Variants in ADAP1 observed in about 807,000 individuals in gnomAD.
The protein encoded by ADAP1 is ArfGAP with dual PH domains 1.
Under a neutral mutation model 54.9 loss-of-function variants are expected in ADAP1, and 31 were observed. The observed-to-expected ratio is 0.56, with a 90% CI of 0.42 to 0.76. The LOEUF (loss-of-function observed/expected upper bound fraction) is 0.76, where lower values mean the gene tolerates loss of function less well. Ranked by LOEUF, ADAP1 falls within the 30% of genes least tolerant of loss-of-function variation. The probability of loss-of-function intolerance (pLI) is 0.00; values close to 1 mark genes in which losing one functional copy is unlikely to be tolerated. For synonymous variants in ADAP1, 313 were observed against 202.6 expected, an observed-to-expected ratio of 1.55 and a Z score of -4.63; for missense variants, 535 against 512.4, an observed-to-expected ratio of 1.04 and a Z score of -0.42.
At chr7:905,566 GAGAAAGGAGAAAGGAGAAAGGA>G (rs1845169248) in intron 4 of ADAP1, 1 of 27,660 alleles carries the variant, frequency 3.6e-5, no homozygotes, top group Non-Finnish European at 7.1e-5. Context: ...AAGGAGAAAG[GAGAAAGGAGAAAGGAGAAAGGA>G]GAAAGGAGAA....
In ADAP1 at chr7:954,576, T is replaced by C. The variant is rs1847343163; in HGVS notation, c.-99A>G. On this transcript the variant is annotated 5_prime_UTR_variant, in exon 1 of 11. Transcript: ENST00000265846. ...GCAGGCCGCCCGCCGCCGCCGCCCC[T>C]GCGCCATCCCGGGCGGCCTCAGCCC... 4.1e-6 allele frequency: 4 copies of C among 985,356 alleles called. No homozygotes were observed. The highest frequency in any genetic ancestry group is 4.8e-6 in the Non-Finnish European group (4 of 831,810). The allele number at this position is 985,356 out of a possible 1,614,324, so 61.0% of individuals were successfully genotyped here.
Position 898,683 on chromosome 7 carries a change from G to C in ADAP1, c.*238C>G. On this transcript the variant is annotated 3_prime_UTR_variant, in exon 11 of 11. Coordinates refer to ENST00000265846, the MANE Select transcript of ADAP1 (RefSeq NM_006869.4). ...GGGTCAGGGAGGGGCAGGTTGGCTG[G>C]GTGTGGTCAGCAGCAGCATGACGGG... The C allele has an allele frequency of 1.7e-6, 1 of 590,322 alleles. No homozygotes were observed. The highest frequency in any genetic ancestry group is 3.0e-6 in the Non-Finnish European group (1 of 333,726). The allele number at this position is 590,322 out of a possible 1,614,324, so 36.6% of individuals were successfully genotyped here.
At chr7:921,582 T>C (rs1241414173) in intron 3 of ADAP1, among the ~76,000 whole-genome samples, 3 of 152,224 alleles carry the variant, frequency 2.0e-5, no homozygotes, top group African/African-American at 7.2e-5. Flanking sequence ...CCTACAGGGC[T>C]GCGATTACAG....
At position 946,283 on chromosome 7, in the gene ADAP1, G is replaced by A. The variant is rs1488874508; in HGVS notation, c.82+8113C>T. 3.3e-5 allele frequency among the ~76,000 whole-genome samples: 5 copies of A among 152,148 alleles called. No homozygotes were observed. In the South Asian group the frequency reaches 6.2e-4, roughly 19 times the overall value. On this transcript the variant is annotated intron_variant, in intron 1 of 10. Coordinates refer to ENST00000265846, the MANE Select transcript of ADAP1 (RefSeq NM_006869.4). This position sits in a 1 kb window ranked among gnomAD's most constrained non-coding sequence, Gnocchi z 4.3. Reference sequence around the variant, plus strand: ...CCGGTGGATCCCCGCCAGCGAGGCAGTGACCTCTGGAGCTCCTGGGTGGGC... The same window carrying A: ...CCGGTGGATCCCCGCCAGCGAGGCAATGACCTCTGGAGCTCCTGGGTGGGC...
At chr7:899,955 C>T (rs1200916459) in intron 8 of ADAP1, 147 bp downstream of exon 8, 20 of 1,008,114 alleles carry the variant, frequency 2.0e-5, no homozygotes, top group Non-Finnish European at 2.8e-5. Flanking sequence ...CTCGGGGACC[C>T]CGGCCAGGCA....
intron 6 of ADAP1, chr7:900,966 C>T (rs761745358): frequency 4.7e-5 from 25 of 534,786 alleles, no homozygotes; most frequent in Non-Finnish European, 8.2e-5. Context: ...GGGGCCTGGG[C>T]CAACTTGCCT....
intron 4 of ADAP1, among the ~76,000 whole-genome samples, chr7:919,600 GAGAC>G (rs1386165325): frequency 2.8e-5 from 4 of 144,220 alleles, no homozygotes; most frequent in African/African-American, 5.2e-5. Context: ...GAGAGGAAGA[GAGAC>G]AGAGAATGAG....
intron 4 of ADAP1, among the ~76,000 whole-genome samples, chr7:918,211 C>T (rs925400113): frequency 2.0e-5 from 3 of 152,132 alleles, no homozygotes; most frequent in Non-Finnish European, 2.9e-5. Context: ...CGTGAGCCAC[C>T]GTGCCCGACC....
At position 926,777 on chromosome 7, in the gene ADAP1, G is replaced by T; in HGVS notation, c.214-133C>A. 7.8e-6 allele frequency: 6 copies of T among 769,904 alleles called. 1 individual carries two copies. The highest frequency in any genetic ancestry group is 1.2e-5 in the Non-Finnish European group (6 of 504,018). The allele number at this position is 769,904 out of a possible 1,614,324, so 47.7% of individuals were successfully genotyped here. ...CTGAGGGCTCCACCAGCACCAGGAC[G>T]GGAACGCCACCTCCTCCTGCCCCAG... On this transcript the variant is annotated intron_variant, in intron 2 of 10. Transcript: ENST00000265846. The surrounding 1 kb of genome is among the most constrained non-coding windows in gnomAD (Gnocchi z 4.6).
chr7:899,048 G>GCA lies in ADAP1; in HGVS notation c.1079_1080dup (p.Pro361CysfsTer44). 6.2e-7 allele frequency: 1 copy of GCA among 1,608,904 alleles called. No individual in the cohort carries two copies. The highest frequency in any genetic ancestry group is 8.5e-7 in the Non-Finnish European group (1 of 1,179,874). On this transcript the variant is annotated frameshift_variant, in exon 10 of 11. Coordinates refer to ENST00000265846, the MANE Select transcript of ADAP1 (RefSeq NM_006869.4). LOFTEE classifies it high-confidence loss of function. ...CCCCCCTCACCTGCGTACTCCTGGG[G>GCA]CAGCATGGGCCTGTCCACCGCCTTC...
intron 5 of ADAP1, among the ~76,000 whole-genome samples, chr7:904,614 G>T (rs567891085): frequency 6.6e-6 from 1 of 152,206 alleles, no homozygotes; most frequent in Non-Finnish European, 1.5e-5. Context: ...TGCCCGCCAC[G>T]GCTCAGGGCG....
intron 1 of ADAP1, among the ~76,000 whole-genome samples, chr7:948,490 G>A (rs1344691583): frequency 2.0e-5 from 3 of 152,030 alleles, no homozygotes; most frequent in Non-Finnish European, 4.4e-5. Context: ...CCCACTGCAG[G>A]TCTCTGCCCC....
intron 4 of ADAP1, among the ~76,000 whole-genome samples, chr7:911,601 G>A (rs1193139118): frequency 2.5e-5 from 3 of 121,848 alleles, no homozygotes; most frequent in Non-Finnish European, 5.3e-5. Context: ...GGAAGGGGGC[G>A]GGGGTCCCAC....
At chr7:932,700 T>C (rs1472022866) in intron 2 of ADAP1, among the ~76,000 whole-genome samples, 1 of 151,516 alleles carries the variant, frequency 6.6e-6, no homozygotes, top group East Asian at 1.9e-4. Flanking sequence ...CCTGGGTCAG[T>C]GAAGGTGGGT....
chr7:948,821 C>T (rs1448107722), intron 1 of ADAP1, among the ~76,000 whole-genome samples: 1 of 152,312 alleles, frequency 6.6e-6, no homozygotes, highest in African/African-American at 2.4e-5. Context: ...CTCAACCTCC[C>T]GAGTAGCTGG....
intron 4 of ADAP1, among the ~76,000 whole-genome samples, chr7:912,239 C>A (rs1322238153): frequency 6.6e-6 from 1 of 152,196 alleles, no homozygotes; most frequent in African/African-American, 2.4e-5. Context: ...GAGCAGGAAG[C>A]CCCGCGTCTC....
intron 5 of ADAP1, 108 bp downstream of exon 5, chr7:904,952 C>T (rs1362191371): frequency 3.6e-6 from 3 of 827,504 alleles, no homozygotes; most frequent in Non-Finnish European, 1.9e-6. Context: ...TCGGGGGGGG[C>T]AGCAGGGAGG....
At chr7:915,339 A>G (rs1364050271) in intron 4 of ADAP1, among the ~76,000 whole-genome samples, 1 of 151,900 alleles carries the variant, frequency 6.6e-6, no homozygotes, top group African/African-American at 2.4e-5. Flanking sequence ...CCATCCTCAC[A>G]CCCATCCAGG....
chr7:906,105 AG>A (rs796968962), intron 4 of ADAP1, among the ~76,000 whole-genome samples: 3 of 2,966 alleles, frequency 1.0e-3, no homozygotes, highest in African/African-American at 6.5e-3. Context: ...GAAAGGAGAA[AG>A]GGAGAAAGGA....
Sources: allele counts gnomAD v4.1 joint callset (sites outside exome capture counted in the v4.1 genomes callset), GRCh38; gene constraint gnomAD v4.1.1; non-coding constraint Gnocchi (gnomAD v3.1); transcripts MANE v1.5; gene names NCBI Gene and HGNC (gene_info 2026-07-23, HGNC 2026-07-21).